FAAH2: variants seen among roughly 807,000 people sequenced by gnomAD.
FAAH2 encodes the protein fatty acid amide hydrolase 2, also known as fatty-acid amide hydrolase 2.
Under a neutral mutation model 36.9 loss-of-function variants are expected in FAAH2, and 60 were observed. That is an observed-to-expected ratio of 1.63 (90% CI 1.32 to 2.02). The LOEUF is 2.02. Ranked by LOEUF, FAAH2 falls within the 30% of genes most tolerant of loss-of-function variation. The probability of loss-of-function intolerance (pLI) is 0.00; values close to 1 mark genes in which losing one functional copy is unlikely to be tolerated. For synonymous variants in FAAH2, 214 were observed against 143.8 expected (o/e 1.49, Z -3.49); for missense variants, 689 against 397.5 (o/e 1.73, Z -6.23).
chrX:57,241,816 A>T, the FAAH2 span, among the ~76,000 whole-genome samples: 1 of 111,427 alleles, frequency 9.0e-6, no homozygotes, highest in African/African-American at 3.3e-5. Flanking sequence ...TTTCTGAGTT[A>T]CTTCACTTAG....
At chrX:57,360,169 G>C (rs1415282960) in intron 5 of FAAH2, among the ~76,000 whole-genome samples, 2 of 110,142 alleles carry the variant, frequency 1.8e-5, no homozygotes, top group South Asian at 7.8e-4. Flanking sequence ...GTATGAGTCT[G>C]CTTGGGTTTA....
At chrX:57,456,270 T>C (rs1240128625) in intron 10 of FAAH2, among the ~76,000 whole-genome samples, 2 of 112,125 alleles carry the variant, frequency 1.8e-5, no homozygotes, top group African/African-American at 6.5e-5. Flanking sequence ...AGACACAGCT[T>C]ACCAAATCTT....
chrX:57,304,220 C>T (rs940307578), intron 2 of FAAH2, among the ~76,000 whole-genome samples: 3 of 111,553 alleles, frequency 2.7e-5, no homozygotes, highest in East Asian at 5.6e-4. Flanking sequence ...CAAAACAAAA[C>T]AAAAAACAAA....
intron 5 of FAAH2, among the ~76,000 whole-genome samples, chrX:57,347,604 G>GTTTTTTTTTT (rs61323098): frequency 2.6e-5 from 2 of 77,890 alleles, no homozygotes; most frequent in African/African-American, 1.3e-4. Flanking sequence ...GGGATGCTAA[G>GTTTTTTTTTT]TTTTTTTTTT....
the FAAH2 span, among the ~76,000 whole-genome samples, chrX:57,193,503 A>G: frequency 9.0e-6 from 1 of 111,522 alleles, no homozygotes; most frequent in Non-Finnish European, 1.9e-5. Context: ...TGTGACCCAC[A>G]CCCTATTTGT....
intron 7 of FAAH2, among the ~76,000 whole-genome samples, chrX:57,429,958 A>G (rs1232827937): frequency 1.8e-5 from 2 of 111,238 alleles, no homozygotes; most frequent in Non-Finnish European, 3.8e-5. Context: ...ACATATTTTC[A>G]CTTATAAGTG....
At chrX:57,449,725 G>A (rs1159921212) in intron 10 of FAAH2, among the ~76,000 whole-genome samples, 1 of 110,502 alleles carries the variant, frequency 9.0e-6, no homozygotes, top group East Asian at 2.9e-4. Context: ...GGAATGCAAT[G>A]GCACAAGCTC....
chrX:57,159,839 C>G, the FAAH2 span, among the ~76,000 whole-genome samples: 1 of 111,470 alleles, frequency 9.0e-6, no homozygotes, highest in Non-Finnish European at 1.9e-5. Flanking sequence ...TTTCCTTCTC[C>G]TGCCTCATTG....
intron 3 of FAAH2, among the ~76,000 whole-genome samples, chrX:57,319,846 G>A (rs2052963670): frequency 9.0e-6 from 1 of 111,628 alleles, no homozygotes; most frequent in South Asian, 3.8e-4. Context: ...GAACAGAACA[G>A]AGGCCTCAGA....
chrX:57,434,239 C>A (rs1242517063), intron 8 of FAAH2, among the ~76,000 whole-genome samples: 2 of 108,797 alleles, frequency 1.8e-5, no homozygotes, highest in African/African-American at 3.3e-5. Flanking sequence ...CAACACTTGG[C>A]TAATTTTTGT....
the FAAH2 span, among the ~76,000 whole-genome samples, chrX:57,204,893 C>T: frequency 3.6e-5 from 4 of 112,259 alleles, no homozygotes; most frequent in African/African-American, 6.5e-5. Flanking sequence ...ATGCTAGTAA[C>T]GTGTTTAATA....
intron 2 of FAAH2, among the ~76,000 whole-genome samples, chrX:57,299,814 A>G (rs1490283620): frequency 1.8e-5 from 2 of 111,918 alleles, no homozygotes; most frequent in African/African-American, 6.5e-5. Flanking sequence ...CACCAATAAC[A>G]GACAAACAGA....
the FAAH2 span, among the ~76,000 whole-genome samples, chrX:57,163,707 G>A: frequency 3.6e-5 from 4 of 112,195 alleles, no homozygotes; most frequent in South Asian, 3.7e-4. Context: ...GCAATGCCTC[G>A]CCCTGCTTCG....
At chrX:57,200,358 C>A in the FAAH2 span, among the ~76,000 whole-genome samples, 2 of 104,919 alleles carry the variant, frequency 1.9e-5, no homozygotes, top group East Asian at 5.9e-4. Flanking sequence ...AAAGACTCTG[C>A]ATCTTAACTT....
chrX:57,256,189 A>G, the FAAH2 span, among the ~76,000 whole-genome samples: 1 of 111,754 alleles, frequency 8.9e-6, no homozygotes, highest in Non-Finnish European at 1.9e-5. Flanking sequence ...CTAAGAAAAT[A>G]AAATACCTAG....
intron 10 of FAAH2, among the ~76,000 whole-genome samples, chrX:57,459,699 C>A (rs1324183589): frequency 8.9e-6 from 1 of 112,174 alleles, no homozygotes; most frequent in African/African-American, 3.2e-5. Flanking sequence ...GATACCCAGA[C>A]AAATAGGTTC....
intron 7 of FAAH2, among the ~76,000 whole-genome samples, chrX:57,398,899 A>G (rs2055366325): frequency 9.0e-6 from 1 of 111,198 alleles, no homozygotes; most frequent in Non-Finnish European, 1.9e-5. Context: ...CACCCTCTCA[A>G]CAGGAAAACC....
chrX:57,441,328 G>T (rs745395295), intron 8 of FAAH2, among the ~76,000 whole-genome samples: 22 of 111,215 alleles, frequency 2.0e-4, no homozygotes, highest in Non-Finnish European at 3.4e-4. Flanking sequence ...GTTTAGTCTT[G>T]GGAGGGTGTG....
chrX:57,474,132 T>C (rs945164692), intron 10 of FAAH2, among the ~76,000 whole-genome samples: 2 of 112,199 alleles, frequency 1.8e-5, no homozygotes, highest in Non-Finnish European at 3.8e-5. Flanking sequence ...AGTGAGTATC[T>C]TCCATTTGTT....
Sources: gnomAD v4.1 joint callset for allele counts (sites outside exome capture counted in the v4.1 genomes callset) on GRCh38, gnomAD v4.1.1 for gene constraint, MANE v1.5 for transcripts, NCBI Gene and HGNC (gene_info 2026-07-23, HGNC 2026-07-21) for gene names.